OVOL1: variants seen among roughly 807,000 people sequenced by gnomAD.
OVOL1 encodes the protein ovo like transcriptional repressor 1, also known as putative transcription factor Ovo-like 1.
Under a neutral mutation model 21.5 loss-of-function variants are expected in OVOL1, and 10 were observed. The observed-to-expected ratio is 0.46, with a 90% CI of 0.29 to 0.79. OVOL1 has a LOEUF of 0.79. Ranked by LOEUF, OVOL1 falls within the 30% of genes least tolerant of loss-of-function variation. OVOL1 has a pLI of 0.10. For synonymous variants in OVOL1, 129 were observed against 150.3 expected (o/e 0.86, Z 1.03); for missense variants, 279 against 362.3 (o/e 0.77, Z 1.87).
At chr11:65,794,750 G>C in intron 3 of OVOL1, 23 bp downstream of exon 3, 1 of 1,608,682 alleles carries the variant, frequency 6.2e-7, no homozygotes, top group East Asian at 2.2e-5. Context: ...CCACGGCTGG[G>C]AGGAGCACGC....
At chr11:65,794,487 C>T in intron 2 of OVOL1, 51 bp from the exon 3 acceptor site, 1 of 1,565,046 alleles carries the variant, frequency 6.4e-7, no homozygotes, top group Non-Finnish European at 8.8e-7. Flanking sequence ...ATCTGCCAGC[C>T]TGTGGCCCCA....
intron 1 of OVOL1, among the ~76,000 whole-genome samples, 163 bp downstream of exon 1, chr11:65,787,636 C>T (rs1008688078): frequency 9.2e-5 from 14 of 151,358 alleles, no homozygotes; most frequent in African/African-American, 2.7e-4. Context: ...GCTCTCGACC[C>T]GGGACTCGGG....
At chr11:65,789,645 T>TG (rs5792371) in intron 1 of OVOL1, 327,705 of 983,368 alleles carry the variant, frequency 0.33, 56,780 homozygotes, top group South Asian at 0.37. Flanking sequence ...CAGCCAACCA[T>TG]GACCCCAGAG....
chr11:65,793,829 G>A, intron 1 of OVOL1: 1 of 594,768 alleles, frequency 1.7e-6, no homozygotes, highest in East Asian at 2.8e-5. Context: ...GTGGCGCTTG[G>A]CTGGCATCAC....
chr11:65,794,937 A>T (rs1858099196), intron 3 of OVOL1, 109 bp from the exon 4 acceptor site: 1 of 1,189,262 alleles, frequency 8.4e-7, no homozygotes, highest in Non-Finnish European at 1.2e-6. Context: ...GCCTCCGTCC[A>T]TCCCTTGGCC....
At position 65,794,053 on chromosome 11, in the gene OVOL1, A is replaced by G. The variant is rs61730141; in HGVS notation, c.123A>G (p.Pro41=). ...YVPVSLGFCP[P]QPYREPEPSV... is the part of the protein sequence containing the mutation. Reference sequence around the variant, plus strand: ...CAGTCAGCCTGGGCTTCTGCCCACCACAGCCCTACCGGGAGCCGGAACCCT... The same window carrying G: ...CAGTCAGCCTGGGCTTCTGCCCACCGCAGCCCTACCGGGAGCCGGAACCCT... Residue 41 remains proline (P), a synonymous_variant, in exon 2 of 4, where the codon CCA becomes CCG. Transcript: ENST00000335987. 733 of 1,613,884 alleles carry G rather than the reference A, an allele frequency of 4.5e-4. 3 individuals are homozygous for G. In the African/African-American group the frequency reaches 8.6e-3, roughly 19 times the overall value.
intron 2 of OVOL1, 98 bp from the exon 3 acceptor site, chr11:65,794,440 C>T: frequency 1.6e-6 from 2 of 1,273,798 alleles, no homozygotes; most frequent in Non-Finnish European, 1.1e-6. Flanking sequence ...CACCACCCTC[C>T]TCAGGGACAC....
At chr11:65,792,859 TG>T (rs1858049752) in intron 1 of OVOL1, among the ~76,000 whole-genome samples, 2 of 152,212 alleles carry the variant, frequency 1.3e-5, no homozygotes, top group Admixed American at 1.3e-4. Context: ...CCTGTCCTCC[TG>T]GGAGAAGAGG....
At chr11:65,790,039 C>T (rs575296950) in intron 1 of OVOL1, 1 of 132,460 alleles carries the variant, frequency 7.5e-6, no homozygotes, top group Admixed American at 7.6e-5. Flanking sequence ...AACCGCTCCC[C>T]CACCCACCCC....
Position 65,795,634 on chromosome 11 carries a change from G to A in OVOL1, c.*293G>A, listed in dbSNP as rs1457331984. The stretch of plus-strand genomic sequence containing the variant: ...AGGCTGCCTTCAATTAGAAGCAGCC[G>A]CCCACAGAGACAGGCACTGTGTGCC... On this transcript the variant is annotated 3_prime_UTR_variant, in exon 4 of 4. Coordinates refer to ENST00000335987, the MANE Select transcript of OVOL1 (RefSeq NM_004561.4). This position sits in a 1 kb window ranked among gnomAD's most constrained non-coding sequence, Gnocchi z 5.7. 4.8e-5 allele frequency: 24 copies of A among 502,052 alleles called. No homozygotes were observed. The highest frequency in any genetic ancestry group is 7.2e-5 in the Non-Finnish European group (20 of 276,436). 31.1% of individuals were successfully genotyped at this position (502,052 alleles called of 1,614,324 possible). A position where few individuals can be genotyped will look rare whatever the true frequency, so the allele number is the denominator to read the frequency against.
chr11:65,791,648 G>T (rs1181035335), intron 1 of OVOL1, among the ~76,000 whole-genome samples: 1 of 152,240 alleles, frequency 6.6e-6, no homozygotes, highest in Non-Finnish European at 1.5e-5. Flanking sequence ...CGGTGTCCGT[G>T]CCTCTGCTCT....
intron 1 of OVOL1, chr11:65,788,384 T>A: frequency 2.2e-6 from 2 of 916,828 alleles, no homozygotes; most frequent in Non-Finnish European, 2.6e-6. Context: ...GTCTTTGGTC[T>A]GGAGAAAGCC....
At chr11:65,791,772 A>G (rs1028887153) in intron 1 of OVOL1, among the ~76,000 whole-genome samples, 4 of 152,346 alleles carry the variant, frequency 2.6e-5, no homozygotes, top group Middle Eastern at 3.4e-3. Context: ...GCCATACTCC[A>G]CAGCTGTGGG....
Position 65,794,686 on chromosome 11 carries a change from A to G in OVOL1, c.467A>G (p.Asn156Ser), listed in dbSNP as rs759955496. Residue 156 changes from asparagine to serine, a missense_variant, in exon 3 of 4, where the codon AAT becomes AGT. Asn to Ser is a conservative substitution (Grantham distance 46). Coordinates refer to ENST00000335987, the MANE Select transcript of OVOL1 (RefSeq NM_004561.4). ...TGCACGTACTGCGGGAAGGGCTTCA[A>G]TGACACCTTCGACCTCAAGAGACAC... ...HLCTYCGKGF[N>S]DTFDLKRHVR... 11 of 1,613,618 alleles carry G rather than the reference A, an allele frequency of 6.8e-6. No homozygotes were observed. Among genetic ancestry groups the G allele is most frequent in the South Asian group, 2.2e-5 (2 of 91,092 alleles).
In OVOL1 at chr11:65,787,419, A is replaced by C. The variant is rs773734519; in HGVS notation, c.46A>C (p.Lys16Gln). ...LVKKPCVSTCKRNWSELPDEE... is the reference protein window; with the variant it reads ...LVKKPCVSTCQRNWSELPDEE... The stretch of plus-strand genomic sequence containing the variant: ...GAAGAAGCCGTGCGTCTCCACGTGC[A>C]AGAGGAACTGGAGCGAGCTCCCCGA... Residue 16 changes from lysine to glutamine, a missense_variant, in exon 1 of 4, where the codon AAG becomes CAG. Lys to Gln is a moderately conservative substitution (Grantham distance 53, BLOSUM62 1). Coordinates refer to ENST00000335987, the MANE Select transcript of OVOL1 (RefSeq NM_004561.4). 6.3e-7 allele frequency: 1 copy of C among 1,597,302 alleles called. No individual in the cohort carries two copies. Among genetic ancestry groups the C allele is most frequent in the African/African-American group, 1.3e-5 (1 of 74,164 alleles).
chr11:65,787,280 C>G lies in OVOL1; in HGVS notation c.-94C>G. The G allele has an allele frequency of 9.4e-7, 1 of 1,061,740 alleles. No homozygotes were observed. The highest frequency in any genetic ancestry group is 1.4e-6 in the Non-Finnish European group (1 of 721,560). 65.8% of individuals were successfully genotyped at this position (1,061,740 alleles called of 1,614,324 possible). A position where few individuals can be genotyped will look rare whatever the true frequency, so the allele number is the denominator to read the frequency against. On this transcript the variant is annotated 5_prime_UTR_variant, in exon 1 of 4. Coordinates refer to ENST00000335987, the MANE Select transcript of OVOL1 (RefSeq NM_004561.4). The stretch of plus-strand genomic sequence containing the variant: ...TTAGCGACTCCTTCCCTGTTGTGCC[C>G]CCGTTCCCGGCGTTCAGCCCGGCCC...
chr11:65,791,985 T>C (rs980904035), intron 1 of OVOL1, among the ~76,000 whole-genome samples: 2 of 152,092 alleles, frequency 1.3e-5, no homozygotes, highest in Admixed American at 1.3e-4. Flanking sequence ...GGGAGACAGG[T>C]TTGGCAGGGT....
Position 65,789,715 on chromosome 11 carries a change from G to A in OVOL1, c.100+2242G>A, listed in dbSNP as rs548826524. 117 of 985,074 alleles carry A rather than the reference G, an allele frequency of 1.2e-4. No homozygotes were observed. In the African/African-American group the frequency reaches 1.8e-3, roughly 15 times the overall value. The allele number at this position is 985,074 out of a possible 1,614,324, so 61.0% of individuals were successfully genotyped here. A position where few individuals can be genotyped will look rare whatever the true frequency, so the allele number is the denominator to read the frequency against. On this transcript the variant is annotated intron_variant, in intron 1 of 3. Coordinates refer to ENST00000335987, the MANE Select transcript of OVOL1 (RefSeq NM_004561.4). ...CCTGGTAAGTTGTGACCAGCTAAGCGTTGACCCCATTTCCAGTGGAGGGCC... is the reference window on the plus strand; with the variant it reads ...CCTGGTAAGTTGTGACCAGCTAAGCATTGACCCCATTTCCAGTGGAGGGCC...
In OVOL1 at chr11:65,787,213, G is replaced by A; in HGVS notation, c.-161G>A. 2 of 506,806 alleles carry A rather than the reference G, an allele frequency of 3.9e-6. No individual in the cohort carries two copies. Among genetic ancestry groups the A allele is most frequent in the South Asian group, 4.2e-5 (2 of 48,060 alleles). The allele number at this position is 506,806 out of a possible 1,614,324, so 31.4% of individuals were successfully genotyped here. ...CATTCCGCGGAGGTGGAACCGCCGC[G>A]CGCCGTCCGGGCTCGGACCTTCCCC... is the stretch of plus-strand genomic sequence containing the variant. On this transcript the variant is annotated 5_prime_UTR_variant, in exon 1 of 4. Transcript: ENST00000335987.
Sources: allele counts gnomAD v4.1 joint callset (sites outside exome capture counted in the v4.1 genomes callset), GRCh38; gene constraint gnomAD v4.1.1; non-coding constraint Gnocchi (gnomAD v3.1); transcripts MANE v1.5; gene names NCBI Gene and HGNC (gene_info 2026-07-23, HGNC 2026-07-21).